TIGD4: variants seen among roughly 807,000 people sequenced by gnomAD.
The protein encoded by TIGD4 is tigger transposable element derived 4, also known as tigger transposable element-derived protein 4.
TIGD4 carries 20 observed loss-of-function variants against 24.9 expected under a neutral mutation model. The ratio of observed to expected loss-of-function variants is 0.80; its 90% CI spans 0.56 to 1.17. The LOEUF (loss-of-function observed/expected upper bound fraction) is 1.17, where lower values mean the gene tolerates loss of function less well. Among genes scored for constraint, TIGD4 ranks in the 50% most tolerant of loss-of-function variants. The pLI is 0.00. For synonymous variants in TIGD4, 193 were observed against 211.0 expected, an observed-to-expected ratio of 0.91 and a Z score of 0.74; for missense variants, 566 against 591.0, an observed-to-expected ratio of 0.96 and a Z score of 0.44.
intron 1 of TIGD4, among the ~76,000 whole-genome samples, chr4:152,777,192 T>C (rs1297561206): frequency 6.6e-6 from 1 of 152,198 alleles, no homozygotes; most frequent in Admixed American, 6.5e-5. Context: ...GGCCAGATCT[T>C]GGTAAGCCTT....
At chr4:152,772,347 A>T (rs1247870131) in intron 1 of TIGD4, among the ~76,000 whole-genome samples, 1 of 137,256 alleles carries the variant, frequency 7.3e-6, no homozygotes, top group Non-Finnish European at 1.5e-5. Flanking sequence ...TTCTATCTGT[A>T]AAAAAAAAAA....
intron 1 of TIGD4, among the ~76,000 whole-genome samples, chr4:152,773,300 A>T (rs1376272264): frequency 1.3e-5 from 2 of 152,206 alleles, no homozygotes; most frequent in Non-Finnish European, 2.9e-5. Context: ...TCAAAGGAGG[A>T]ATTTTTATCA....
In TIGD4 at chr4:152,773,208, G is replaced by C. The variant is rs117312213; in HGVS notation, c.-538-1666C>G. Among the ~76,000 whole-genome samples, 81 of 152,284 alleles carry C rather than the reference G, an allele frequency of 5.3e-4. No individual in the cohort carries two copies. In the East Asian group the frequency reaches 0.016, roughly 29 times the overall value. The stretch of plus-strand genomic sequence containing the variant: ...TCCATTCTTCTTGCTGGGCTTCCTG[G>C]TTTCCCAGGTGATGCACAACTTTTT... On this transcript the variant is annotated intron_variant, in intron 1 of 1. Transcript: ENST00000304337.
rs778160247 is a variant in TIGD4, at chr4:152,770,390, T to C, written c.615A>G (p.Ser205=). The C allele has an allele frequency of 5.6e-6, 9 of 1,614,158 alleles. No individual in the cohort carries two copies. Among genetic ancestry groups the C allele is most frequent in the Non-Finnish European group, 6.8e-6 (8 of 1,179,968 alleles). The change falls in exon 2 of 2, where the codon TCA becomes TCG. Residue 205 remains serine (S), a synonymous_variant. Coordinates refer to ENST00000304337, the MANE Select transcript of TIGD4 (RefSeq NM_145720.4). ...NTFAFKGETC[S]VGKLCKDRIT... ...TTCTGTCTTTGCATAACTTTCCAAC[T>C]GAACATGTTTCGCCTTTAAATGCAA... is the stretch of plus-strand genomic sequence containing the variant.
chr4:152,773,807 G>T (rs747976977), intron 1 of TIGD4, among the ~76,000 whole-genome samples: 1 of 151,752 alleles, frequency 6.6e-6, no homozygotes, highest in African/African-American at 2.4e-5. Flanking sequence ...CTTGTATATG[G>T]GATCTCTTCT....
intron 1 of TIGD4, among the ~76,000 whole-genome samples, chr4:152,772,368 A>G (rs1256916633): frequency 2.0e-5 from 3 of 151,636 alleles, no homozygotes; most frequent in Admixed American, 6.6e-5. Context: ...GGTGCCAGGC[A>G]GTTCTGAATT....
At position 152,770,560 on chromosome 4, in the gene TIGD4, C is replaced by T. The variant is rs759160529; in HGVS notation, c.445G>A (p.Val149Ile). Residue 149 changes from valine to isoleucine, a missense_variant, in exon 2 of 2, where the codon GTA (valine) becomes ATA (isoleucine). Val to Ile is a conservative substitution (Grantham distance 29, BLOSUM62 3). Coordinates refer to ENST00000304337, the MANE Select transcript of TIGD4 (RefSeq NM_145720.4). ...RYGLVFRAQPVEATGVPVDPS... is the reference protein window; with the variant it reads ...RYGLVFRAQPIEATGVPVDPS... ...TCTACTGGTACACCTGTAGCTTCTACAGGTTGAGCTCTGAATACTAAACCA... is the reference window on the plus strand; with the variant it reads ...TCTACTGGTACACCTGTAGCTTCTATAGGTTGAGCTCTGAATACTAAACCA... 19 of 1,612,320 alleles carry T rather than the reference C, an allele frequency of 1.2e-5. No individual in the cohort carries two copies. Among genetic ancestry groups the T allele is most frequent in the African/African-American group, 2.7e-5 (2 of 74,834 alleles).
chr4:152,774,279 T>A (rs1036615581), intron 1 of TIGD4, among the ~76,000 whole-genome samples: 3 of 152,194 alleles, frequency 2.0e-5, no homozygotes, highest in African/African-American at 4.8e-5. Context: ...GAAGATTAGG[T>A]TTTTCCCCTG....
chr4:152,777,549 AAAGG>A (rs1475750914), intron 1 of TIGD4, among the ~76,000 whole-genome samples: 4 of 148,582 alleles, frequency 2.7e-5, no homozygotes, highest in Non-Finnish European at 6.0e-5. Context: ...AGGAAGAAAA[AAAGG>A]AAGGAAGGAG....
intron 1 of TIGD4, 104 bp from the exon 2 acceptor site, chr4:152,771,646 T>C (rs1410935720): frequency 2.0e-5 from 3 of 152,452 alleles, no homozygotes; most frequent in Non-Finnish European, 2.9e-5. Context: ...ATGAAAATAA[T>C]AGAAGCATGG....
Position 152,770,965 on chromosome 4 carries a change from T to A in TIGD4, c.40A>T (p.Thr14Ser), listed in dbSNP as rs758403983. The A allele has an allele frequency of 3.7e-6, 6 of 1,611,940 alleles. No individual in the cohort carries two copies. In the South Asian group the frequency reaches 5.5e-5, roughly 15 times the overall value. Residue 14 changes from threonine (T) to serine (S), a missense_variant, in exon 2 of 2, where the codon ACA becomes TCA. Coordinates refer to ENST00000304337, the MANE Select transcript of TIGD4 (RefSeq NM_145720.4). ...GATAGGCTTTTCTTTTTCTTCACTG[T>A]TACAGGCAGAGTTGAGGCATCCACA... is the stretch of plus-strand genomic sequence containing the variant. Reference protein sequence around the residue: ...ASVDASTLPVTVKKKKSLSIE... With the variant: ...ASVDASTLPVSVKKKKSLSIE...
Position 152,769,534 on chromosome 4 carries a change from T to C in TIGD4, c.1471A>G (p.Met491Val), listed in dbSNP as rs775205717. 2 of 1,602,824 alleles carry C rather than the reference T, an allele frequency of 1.2e-6. No individual in the cohort carries two copies. Among genetic ancestry groups the C allele is most frequent in the South Asian group, 2.3e-5 (2 of 88,392 alleles). The change falls in exon 2 of 2, where the codon ATG (methionine) becomes GTG (valine). Residue 491 changes from methionine (M) to valine (V), a missense_variant. By Grantham distance (21) the Met-to-Val change is conservative. Coordinates refer to ENST00000304337, the MANE Select transcript of TIGD4 (RefSeq NM_145720.4). ...TLKKFLRSQD[M>V]NDGLQNSLAD... is the part of the protein sequence containing the mutation. ...AAAGAATTTTGAAGTCCGTCATTCATATCTTGACTTCTGAGAAATTTTTTC... is the reference window on the plus strand; with the variant it reads ...AAAGAATTTTGAAGTCCGTCATTCACATCTTGACTTCTGAGAAATTTTTTC...
intron 1 of TIGD4, among the ~76,000 whole-genome samples, chr4:152,775,385 C>G (rs1730243867): frequency 1.3e-5 from 2 of 152,166 alleles, no homozygotes; most frequent in African/African-American, 4.8e-5. Flanking sequence ...GTGGGCTCAA[C>G]TGGGTCCTCT....
At chr4:152,772,185 T>C (rs921639296) in intron 1 of TIGD4, among the ~76,000 whole-genome samples, 3 of 152,198 alleles carry the variant, frequency 2.0e-5, no homozygotes, top group African/African-American at 7.2e-5. Context: ...ACTTTTGTAT[T>C]AATTTGACAC....
chr4:152,769,907 T>C lies in TIGD4; in HGVS notation c.1098A>G (p.Val366=). ...VDTLHLCWRA[V]TPETIVKSYE... ...AGCTTTTAACAATAGTCTCTGGGGTTACAGCCCTCCAGCAAAGATGCAATG... is the reference window on the plus strand; with the variant it reads ...AGCTTTTAACAATAGTCTCTGGGGTCACAGCCCTCCAGCAAAGATGCAATG... The change falls in exon 2 of 2, where the codon GTA becomes GTG. Residue 366 remains valine, a synonymous_variant. Transcript: ENST00000304337. 1 of 1,613,786 alleles carries C rather than the reference T, an allele frequency of 6.2e-7. No homozygotes were observed. Among genetic ancestry groups the C allele is most frequent in the Non-Finnish European group, 8.5e-7 (1 of 1,179,710 alleles).
intron 1 of TIGD4, among the ~76,000 whole-genome samples, chr4:152,776,799 A>T (rs927267433): frequency 6.6e-6 from 1 of 152,190 alleles, no homozygotes; most frequent in African/African-American, 2.4e-5. Context: ...CTTATTTATC[A>T]TGGGAAAACA....
intron 1 of TIGD4, among the ~76,000 whole-genome samples, chr4:152,778,676 C>T (rs1730312404): frequency 6.6e-6 from 1 of 152,112 alleles, no homozygotes; most frequent in Admixed American, 6.5e-5. Context: ...TATTGTTATA[C>T]ATTGGAAACA....
rs774717940 is a variant in TIGD4, at chr4:152,769,894, T to C, written c.1111A>G (p.Ile371Val). The C allele has an allele frequency of 1.9e-6, 3 of 1,613,650 alleles. No homozygotes were observed. Among genetic ancestry groups the C allele is most frequent in the Middle Eastern group, 1.6e-4 (1 of 6,062 alleles). The change falls in exon 2 of 2, where the codon ATT (isoleucine) becomes GTT (valine). Residue 371 changes from isoleucine (I) to valine (V), a missense_variant. By Grantham distance (29) the Ile-to-Val change is conservative (BLOSUM62 3). Transcript: ENST00000304337. ...LCWRAVTPET[I>V]VKSYEEAGFK... ...CCTGCCTCTTCATAGCTTTTAACAA[T>C]AGTCTCTGGGGTTACAGCCCTCCAG...
chr4:152,778,308 C>T (rs1407617107), intron 1 of TIGD4, among the ~76,000 whole-genome samples: 1 of 152,178 alleles, frequency 6.6e-6, no homozygotes, highest in Non-Finnish European at 1.5e-5. Flanking sequence ...ATTCAAGCAC[C>T]GCTGAGTCCT....
Sources: gnomAD v4.1 joint callset for allele counts (sites outside exome capture counted in the v4.1 genomes callset) on GRCh38, gnomAD v4.1.1 for gene constraint, MANE v1.5 for transcripts, NCBI Gene and HGNC (gene_info 2026-07-23, HGNC 2026-07-21) for gene names.